MTARC2: variants seen among roughly 807,000 people sequenced by gnomAD.
MTARC2 encodes MOCO sulphurase C-terminal domain containing 2.
MTARC2 carries 27 observed loss-of-function variants against 35.6 expected under a neutral mutation model. The observed-to-expected ratio is 0.76, with a 90% CI of 0.56 to 1.04. The LOEUF is 1.04. Among genes scored for constraint, MTARC2 ranks in the 50% least tolerant of loss-of-function variants. The pLI, the probability that MTARC2 is intolerant of heterozygous loss-of-function variation, is 0.00. For synonymous variants in MTARC2, 158 were observed against 167.1 expected, an observed-to-expected ratio of 0.95 and a Z score of 0.42; for missense variants, 412 against 432.5, an observed-to-expected ratio of 0.95 and a Z score of 0.42.
intron 1 of MTARC2, among the ~76,000 whole-genome samples, chr1:220,751,971 G>C (rs1213179653): frequency 6.6e-6 from 1 of 152,204 alleles, no homozygotes; most frequent in Non-Finnish European, 1.5e-5. Context: ...GAGATGGTTG[G>C]GGTATGTTAC....
At chr1:220,780,348 GAGA>G (rs934052541) in intron 6 of MTARC2, 109 bp downstream of exon 6, 16 of 923,674 alleles carry the variant, frequency 1.7e-5, no homozygotes, top group Non-Finnish European at 2.6e-5. Flanking sequence ...TTTCTCTCCG[GAGA>G]ACCTTCCAGT....
At chr1:220,754,361 A>G (rs1299830672) in intron 1 of MTARC2, 5 of 456,160 alleles carry the variant, frequency 1.1e-5, no homozygotes, top group Non-Finnish European at 2.2e-5. Flanking sequence ...TTTGTTCTCT[A>G]TGTCAGAATG....
chr1:220,758,265 G>A (rs773239615), intron 2 of MTARC2, among the ~76,000 whole-genome samples: 2 of 151,716 alleles, frequency 1.3e-5, no homozygotes, highest in Non-Finnish European at 2.9e-5. Flanking sequence ...TTACAGGCAT[G>A]AGCCACCACG....
Position 220,764,714 on chromosome 1 carries a change from C to T in MTARC2, c.750+1664C>T, listed in dbSNP as rs117966941. Among the ~76,000 whole-genome samples, 525 of 151,596 alleles carry T rather than the reference C, an allele frequency of 3.5e-3. 22 individuals carry two copies. In the East Asian group the frequency reaches 0.077, roughly 22 times the overall value. On this transcript the variant is annotated intron_variant, in intron 4 of 7. Transcript: ENST00000366913. Reference sequence around the variant, plus strand: ...TGAGGTGGGAGGATGGCTTGAGCCCCGGGCCGGAGATTGTGCCACTGCACT... The same window carrying T: ...TGAGGTGGGAGGATGGCTTGAGCCCTGGGCCGGAGATTGTGCCACTGCACT...
intron 4 of MTARC2, among the ~76,000 whole-genome samples, chr1:220,772,910 T>C (rs752407511): frequency 1.3e-5 from 2 of 152,218 alleles, no homozygotes; most frequent in African/African-American, 2.4e-5. Context: ...TCTGGTATAA[T>C]GGGAAATATA....
intron 4 of MTARC2, among the ~76,000 whole-genome samples, chr1:220,775,065 AT>A (rs112146837): frequency 0.024 from 3,581 of 151,954 alleles, 105 homozygotes; most frequent in African/African-American, 0.064. Context: ...CATACATCCA[AT>A]TTTTTTGCTT....
intron 4 of MTARC2, among the ~76,000 whole-genome samples, chr1:220,771,284 G>A (rs1380111103): frequency 2.4e-5 from 3 of 122,896 alleles, no homozygotes; most frequent in African/African-American, 1.1e-4. Context: ...TGGTGACAGA[G>A]TGAGACTGTC....
intron 4 of MTARC2, among the ~76,000 whole-genome samples, chr1:220,779,011 G>C (rs984087807): frequency 6.6e-6 from 1 of 152,094 alleles, no homozygotes; most frequent in Non-Finnish European, 1.5e-5. Flanking sequence ...TGTCATGAAG[G>C]TTCCAGTGCC....
intron 4 of MTARC2, among the ~76,000 whole-genome samples, chr1:220,778,388 C>G (rs1042761810): frequency 1.3e-5 from 2 of 152,142 alleles, no homozygotes; most frequent in Non-Finnish European, 2.9e-5. Context: ...GGGGGTCCAG[C>G]TTCCTACATG....
intron 4 of MTARC2, among the ~76,000 whole-genome samples, chr1:220,775,454 C>A (rs1402308113): frequency 6.6e-6 from 1 of 152,206 alleles, no homozygotes; most frequent in Non-Finnish European, 1.5e-5. Flanking sequence ...GCGCACTAAG[C>A]GTCTCGAGCT....
At chr1:220,778,205 G>A (rs1382094746) in intron 4 of MTARC2, among the ~76,000 whole-genome samples, 4 of 130,684 alleles carry the variant, frequency 3.1e-5, no homozygotes, top group African/African-American at 8.5e-5. Flanking sequence ...CCGAGATTGC[G>A]CCACTGCATT....
At chr1:220,783,472 T>C (rs567920210) in intron 7 of MTARC2, among the ~76,000 whole-genome samples, 122 of 152,356 alleles carry the variant, frequency 8.0e-4, no homozygotes, top group African/African-American at 2.9e-3. Context: ...GGCTTTCATG[T>C]GTTCTCTGCA....
intron 4 of MTARC2, among the ~76,000 whole-genome samples, chr1:220,773,284 G>A (rs1671795289): frequency 6.6e-6 from 1 of 152,164 alleles, no homozygotes; most frequent in African/African-American, 2.4e-5. Context: ...GGGGTTTGGA[G>A]AGCTTCTGAG....
intron 4 of MTARC2, among the ~76,000 whole-genome samples, chr1:220,768,313 C>G (rs940333944): frequency 6.6e-6 from 1 of 152,226 alleles, no homozygotes; most frequent in Non-Finnish European, 1.5e-5. Flanking sequence ...GCAAAACTCT[C>G]TTATGTGTAC....
intron 4 of MTARC2, among the ~76,000 whole-genome samples, chr1:220,777,936 T>C (rs1282789851): frequency 6.6e-6 from 1 of 152,154 alleles, no homozygotes; most frequent in Non-Finnish European, 1.5e-5. Flanking sequence ...TGAGACTGGA[T>C]AATTTATAAA....
chr1:220,754,348 G>A (rs1572292497), intron 1 of MTARC2: 1 of 456,266 alleles, frequency 2.2e-6, no homozygotes, highest in East Asian at 7.0e-5. Context: ...ACTTCTGTGT[G>A]TCTTTGTTCT....
At chr1:220,781,702 A>G in intron 6 of MTARC2, 76 bp from the exon 7 acceptor site, 3 of 1,518,982 alleles carry the variant, frequency 2.0e-6, no homozygotes, top group East Asian at 4.6e-5. Flanking sequence ...TTGGAAGGCA[A>G]ACTTGAGTTC....
At chr1:220,753,571 C>A (rs1572291770) in intron 1 of MTARC2, among the ~76,000 whole-genome samples, 1 of 152,320 alleles carries the variant, frequency 6.6e-6, no homozygotes, top group Middle Eastern at 3.4e-3. Context: ...TCTCCTCAGC[C>A]TTTCCCTGAT....
At chr1:220,764,656 G>C (rs1157702366) in intron 4 of MTARC2, among the ~76,000 whole-genome samples, 1 of 152,042 alleles carries the variant, frequency 6.6e-6, no homozygotes, top group Non-Finnish European at 1.5e-5. Flanking sequence ...AGGTATGGTG[G>C]TGCGTGCCTA....
Sources: allele counts gnomAD v4.1 joint callset (sites outside exome capture counted in the v4.1 genomes callset), GRCh38; gene constraint gnomAD v4.1.1; transcripts MANE v1.5; gene names NCBI Gene and HGNC (gene_info 2026-07-23, HGNC 2026-07-21).